Variants in LRCH3 observed in about 807,000 individuals in gnomAD.
The protein encoded by LRCH3 is leucine rich repeats and calponin homology domain containing 3.
A neutral mutation model predicts 104.5 loss-of-function variants in LRCH3; 68 were observed. The observed-to-expected ratio is 0.65, with a 90% confidence interval of 0.54 to 0.80. The LOEUF (loss-of-function observed/expected upper bound fraction) is 0.80. Ranked by LOEUF, LRCH3 falls within the 30% of genes least tolerant of loss-of-function variation. LRCH3 has a pLI of 0.00. For missense variants in LRCH3, 951 were observed against 953.9 expected, an observed-to-expected ratio of 1.00 and a Z score of 0.04; for synonymous variants, 344 against 361.3, an observed-to-expected ratio of 0.95 and a Z score of 0.54.
At position 197,875,848 on chromosome 3, in the gene LRCH3, T is replaced by C. The variant is rs1435871560; in HGVS notation, c.2208+73T>C. On this transcript the variant is annotated intron_variant, in intron 20 of 20. Transcript: ENST00000425562. The stretch of plus-strand genomic sequence containing the variant: ...CTAAAATTTTAGAAATGTAAATCTC[T>C]AAAATCTTACAGGACTAGCTCTGAG... 4.0e-6 allele frequency: 4 copies of C among 994,576 alleles called. No homozygotes were observed. The African/African-American group carries it at 4.8e-5, about 12-fold the overall frequency. The allele number at this position is 994,576 out of a possible 1,614,324, so 61.6% of individuals were successfully genotyped here.
At chr3:197,852,534 T>G (rs761330796) in intron 12 of LRCH3, 27 bp from the exon 13 acceptor site, 16 of 1,612,618 alleles carry the variant, frequency 9.9e-6, no homozygotes, top group Non-Finnish European at 1.2e-5. Flanking sequence ...CCAACTTCCT[T>G]TTTTGGGGGG....
chr3:197,852,899 G>A (rs61793818), intron 13 of LRCH3, among the ~76,000 whole-genome samples: 441 of 152,194 alleles, frequency 2.9e-3, no homozygotes, highest in Non-Finnish European at 5.4e-3. Context: ...CTTTTGAAGC[G>A]TTGTGTGTAG....
chr3:197,806,908 G>A (rs921543703), intron 1 of LRCH3, among the ~76,000 whole-genome samples: 1 of 151,274 alleles, frequency 6.6e-6, no homozygotes, highest in South Asian at 2.1e-4. Context: ...ACATGGTTCC[G>A]CATTCCTGTG....
intron 20 of LRCH3, chr3:197,881,676 A>G (rs936422893): frequency 8.1e-6 from 8 of 985,366 alleles, no homozygotes; most frequent in East Asian, 1.1e-4. Flanking sequence ...GCTGGAAACT[A>G]TAATTGCGGT....
intron 19 of LRCH3, among the ~76,000 whole-genome samples, chr3:197,873,908 C>T (rs192689232): frequency 2.0e-4 from 30 of 151,746 alleles, no homozygotes; most frequent in African/African-American, 6.0e-4. Context: ...GTAGTCCCAG[C>T]TACTTGGGAG....
chr3:197,802,821 C>T (rs1331818113), intron 1 of LRCH3, among the ~76,000 whole-genome samples: 8 of 152,112 alleles, frequency 5.3e-5, no homozygotes, highest in Non-Finnish European at 1.2e-4. Flanking sequence ...AATGATAAAG[C>T]GAAAAGAAGT....
At chr3:197,846,802 C>T (rs528481798) in intron 10 of LRCH3, among the ~76,000 whole-genome samples, 1 of 152,216 alleles carries the variant, frequency 6.6e-6, no homozygotes, top group East Asian at 1.9e-4. Context: ...GCAATGAAAT[C>T]TGTTTCAGGA....
intron 10 of LRCH3, among the ~76,000 whole-genome samples, chr3:197,840,591 C>T (rs1737659632): frequency 6.6e-6 from 1 of 152,186 alleles, no homozygotes. Flanking sequence ...TAGTTCTTTG[C>T]CTTCTGGTTT....
chr3:197,829,985 G>A (rs949659072), intron 6 of LRCH3, among the ~76,000 whole-genome samples: 2 of 152,162 alleles, frequency 1.3e-5, no homozygotes, highest in African/African-American at 4.8e-5. Flanking sequence ...TAGTACCCTC[G>A]CAAAGTCTCC....
intron 8 of LRCH3, among the ~76,000 whole-genome samples, chr3:197,832,758 TCA>T (rs1455241568): frequency 1.3e-5 from 2 of 151,554 alleles, no homozygotes; most frequent in African/African-American, 4.8e-5. Flanking sequence ...GTCATCTGAA[TCA>T]CAGTTTTCCT....
intron 1 of LRCH3, among the ~76,000 whole-genome samples, chr3:197,795,215 T>A (rs1731052731): frequency 6.6e-6 from 1 of 151,786 alleles, no homozygotes; most frequent in African/African-American, 2.4e-5. Flanking sequence ...ATGTTAAGAG[T>A]ATAAGGGACA....
intron 3 of LRCH3, 50 bp downstream of exon 3, chr3:197,817,352 G>GTGTGTA: frequency 6.5e-6 from 1 of 153,090 alleles, no homozygotes; most frequent in Non-Finnish European, 8.2e-6. Flanking sequence ...GTGTCTGTGT[G>GTGTGTA]TGTGTGTGTA....
chr3:197,844,968 A>G (rs2109366111), intron 10 of LRCH3, among the ~76,000 whole-genome samples: 2 of 152,180 alleles, frequency 1.3e-5, no homozygotes, highest in African/African-American at 4.8e-5. Flanking sequence ...TAGCTATTGG[A>G]TTTGGGGATG....
intron 1 of LRCH3, among the ~76,000 whole-genome samples, chr3:197,811,389 T>C (rs989456902): frequency 6.6e-6 from 1 of 152,170 alleles, no homozygotes; most frequent in African/African-American, 2.4e-5. Context: ...CAGTTTTACA[T>C]TGCTCAGTGT....
At position 197,883,496 on chromosome 3, in the gene LRCH3, C is replaced by T. The variant is rs1042617152; in HGVS notation, c.2209-45C>T. On this transcript the variant is annotated intron_variant, in intron 20 of 20. Coordinates refer to ENST00000425562, the MANE Select transcript of LRCH3 (RefSeq NM_001365715.1). This position sits in a 1 kb window ranked among gnomAD's most constrained non-coding sequence, Gnocchi z 4.2. The stretch of plus-strand genomic sequence containing the variant: ...TCCTTTCAGTTCTATGATATTCATC[C>T]GATTTTCTTTTTTGTTTGTTTTCAT... 54 of 1,517,186 alleles carry T rather than the reference C, an allele frequency of 3.6e-5. No homozygotes were observed. Among genetic ancestry groups the T allele is most frequent in the Admixed American group, 1.4e-4 (7 of 48,876 alleles). The allele number at this position is 1,517,186 out of a possible 1,614,324, so 94.0% of individuals were successfully genotyped here.
rs534590431 is a variant in LRCH3 at position 197,835,260 on chromosome 3, C to T, written c.1103-414C>T. ...GTGCAGTGGTACGGTCTTGGCTCAC[C>T]GTAACTTCTGTCTCCCGGGTTCAAG... is the stretch of plus-strand genomic sequence containing the variant. On this transcript the variant is annotated intron_variant, in intron 8 of 20. Coordinates refer to ENST00000425562, the MANE Select transcript of LRCH3 (RefSeq NM_001365715.1). Among the ~76,000 whole-genome samples, 6 of 151,878 alleles carry T rather than the reference C, an allele frequency of 4.0e-5. 1 individual carries two copies. Among genetic ancestry groups the T allele is most frequent in the South Asian group, 2.1e-4 (1 of 4,820 alleles).
chr3:197,868,438 G>T (rs1038646735), intron 17 of LRCH3, among the ~76,000 whole-genome samples: 1 of 152,192 alleles, frequency 6.6e-6, no homozygotes, highest in African/African-American at 2.4e-5. Flanking sequence ...GTATGAGAGA[G>T]GTGGTTTCTG....
chr3:197,796,846 T>C (rs1731259742), intron 1 of LRCH3, among the ~76,000 whole-genome samples: 1 of 152,170 alleles, frequency 6.6e-6, no homozygotes, highest in Admixed American at 6.5e-5. Flanking sequence ...GTAATTTCTT[T>C]GGTTTGCCCA....
intron 20 of LRCH3, among the ~76,000 whole-genome samples, chr3:197,880,101 A>T (rs371743439): frequency 6.7e-6 from 1 of 149,858 alleles, no homozygotes; most frequent in Non-Finnish European, 1.5e-5. Context: ...GCCCGCCACC[A>T]CGCCCGGCTA....
Sources: gnomAD v4.1 joint callset for allele counts (sites outside exome capture counted in the v4.1 genomes callset) on GRCh38, gnomAD v4.1.1 for gene constraint, Gnocchi (gnomAD v3.1) non-coding constraint, MANE v1.5 for transcripts, NCBI Gene and HGNC (gene_info 2026-07-23, HGNC 2026-07-21) for gene names.